ZNF787: variants seen among roughly 807,000 people sequenced by gnomAD.
The protein encoded by ZNF787 is TTF-I-interacting peptide 20.
ZNF787 carries 7 observed loss-of-function variants against 16.9 expected under a neutral mutation model. That is an observed-to-expected ratio of 0.42 (90% CI 0.24 to 0.78). The LOEUF is 0.78. Ranked by LOEUF, ZNF787 falls within the 30% of genes least tolerant of loss-of-function variation. ZNF787 has a pLI of 0.30. For synonymous variants in ZNF787, 345 were observed against 270.9 expected (o/e 1.27, Z -2.69); for missense variants, 551 against 589.3 (o/e 0.94, Z 0.67).
chr19:56,119,244 C>T (rs990863796), intron 1 of ZNF787, among the ~76,000 whole-genome samples: 5 of 152,220 alleles, frequency 3.3e-5, no homozygotes, highest in Non-Finnish European at 7.3e-5. Context: ...CATGTGTGAC[C>T]TCATGCCCAG....
intron 2 of ZNF787, among the ~76,000 whole-genome samples, chr19:56,100,820 C>A (rs1228526915): frequency 1.4e-5 from 2 of 146,540 alleles, no homozygotes; most frequent in East Asian, 2.0e-4. Flanking sequence ...CCAGGCCAAC[C>A]CCCGCCACTC....
At chr19:56,119,402 TGCCAAG>T (rs2030224602) in intron 1 of ZNF787, among the ~76,000 whole-genome samples, 1 of 152,202 alleles carries the variant, frequency 6.6e-6, no homozygotes, top group Non-Finnish European at 1.5e-5. Flanking sequence ...GAAGAGACAG[TGCCAAG>T]GCCAAGGCCC....
chr19:56,120,480 C>T (rs959829298), intron 1 of ZNF787, among the ~76,000 whole-genome samples: 1 of 152,322 alleles, frequency 6.6e-6, no homozygotes, highest in East Asian at 1.9e-4. Context: ...TCACTTCCCC[C>T]GCTGGGGACG....
chr19:56,115,026 G>C (rs1468265220), intron 1 of ZNF787, among the ~76,000 whole-genome samples: 2 of 152,164 alleles, frequency 1.3e-5, no homozygotes, highest in African/African-American at 4.8e-5. Context: ...TGGATCTGCA[G>C]GCTAGGTGGG....
chr19:56,099,759 A>C (rs140161937), intron 2 of ZNF787, among the ~76,000 whole-genome samples: 1 of 151,718 alleles, frequency 6.6e-6, no homozygotes, highest in African/African-American at 2.4e-5. Context: ...GAGTCACACA[A>C]CACCCTCTGG....
intron 2 of ZNF787, among the ~76,000 whole-genome samples, chr19:56,095,836 C>T (rs1006047807): frequency 6.6e-6 from 1 of 152,206 alleles, no homozygotes; most frequent in Non-Finnish European, 1.5e-5. Flanking sequence ...CTCCCCTGCC[C>T]AGCTTTGCAG....
At chr19:56,091,159 C>T (rs1238174869) in intron 2 of ZNF787, among the ~76,000 whole-genome samples, 1 of 152,152 alleles carries the variant, frequency 6.6e-6, no homozygotes, top group Non-Finnish European at 1.5e-5. Context: ...CTATTTGCCC[C>T]GGGGCAGTGT....
At chr19:56,098,074 G>A (rs537385681) in intron 2 of ZNF787, among the ~76,000 whole-genome samples, 89 of 152,172 alleles carry the variant, frequency 5.8e-4, no homozygotes, top group African/African-American at 2.0e-3. Context: ...AAAGCCATGG[G>A]CCTGGGTGAA....
chr19:56,113,602 A>G (rs908809998), intron 1 of ZNF787, among the ~76,000 whole-genome samples: 1 of 152,196 alleles, frequency 6.6e-6, no homozygotes, highest in Admixed American at 6.5e-5. Context: ...AGCCCGATGC[A>G]GAACAGCACG....
At chr19:56,104,567 C>T (rs1599951064) in intron 1 of ZNF787, among the ~76,000 whole-genome samples, 1 of 152,104 alleles carries the variant, frequency 6.6e-6, no homozygotes, top group East Asian at 1.9e-4. Context: ...TCTCTACGCA[C>T]ACCACCCACC....
chr19:56,120,924 C>G (rs1332679868), intron 1 of ZNF787, among the ~76,000 whole-genome samples: 3 of 140,366 alleles, frequency 2.1e-5, no homozygotes, highest in Non-Finnish European at 4.7e-5. Flanking sequence ...CCTCCAGCCC[C>G]GCTCGCCGCC....
Position 56,088,360 on chromosome 19 carries a change from G to T in ZNF787, c.812C>A (p.Ser271Ter). 2 of 1,136,570 alleles carry T rather than the reference G, an allele frequency of 1.8e-6. No individual in the cohort carries two copies. Among genetic ancestry groups the T allele is most frequent in the South Asian group, 7.6e-5 (2 of 26,280 alleles). 70.4% of individuals were successfully genotyped at this position (1,136,570 alleles called of 1,614,324 possible). A position where few individuals can be genotyped will look rare whatever the true frequency, so the allele number is the denominator to read the frequency against. Residue 271 changes from serine to a stop codon, truncating the protein, a stop_gained, in exon 3 of 3, where the codon TCG (serine) becomes TAG (stop). Transcript: ENST00000610935. LOFTEE classifies it high-confidence loss of function. The surrounding 1 kb of genome is among the most constrained non-coding windows in gnomAD (Gnocchi z 8.6). ...GAGAKAAGPRSRRAPAPKPYV... is the reference protein window; with the variant it reads ...GAGAKAAGPR ...CGGCTTGGGGGCCGGGGCGCGCCGC[G>T]ACCGGGGCCCCGCGGCCTTTGCCCC... is the stretch of plus-strand genomic sequence containing the variant.
rs192173330 is a variant in ZNF787 at position 56,089,566 on chromosome 19, C to A, written c.80-474G>T. ...CCTGAGCCAGGGAGTGGGTTTGGCA[C>A]CCTGAAGACGTGCCCGCCAGGGAGC... On this transcript the variant is annotated intron_variant, in intron 2 of 2. Transcript: ENST00000610935. Among the ~76,000 whole-genome samples the A allele has an allele frequency of 8.5e-5, 13 of 152,226 alleles. 1 individual carries two copies. The highest frequency in any genetic ancestry group is 3.1e-4 in the African/African-American group (13 of 41,532).
At chr19:56,112,878 T>TGCCCCCCC (rs2030021420) in intron 1 of ZNF787, among the ~76,000 whole-genome samples, 3 of 126,466 alleles carry the variant, frequency 2.4e-5, no homozygotes, top group African/African-American at 6.2e-5. Flanking sequence ...GACCAGCCGT[T>TGCCCCCCC]CCCCCCACCC....
chr19:56,093,046 G>A (rs1032291328), intron 2 of ZNF787, among the ~76,000 whole-genome samples: 2 of 151,374 alleles, frequency 1.3e-5, no homozygotes, highest in Admixed American at 6.6e-5. Flanking sequence ...GACACGGGAT[G>A]GTGGAAGTGG....
At position 56,088,516 on chromosome 19, in the gene ZNF787, C is replaced by A. The variant is rs2123385866; in HGVS notation, c.656G>T (p.Arg219Leu). 7.0e-7 allele frequency: 1 copy of A among 1,424,176 alleles called. No individual in the cohort carries two copies. The highest frequency in any genetic ancestry group is 9.1e-7 in the Non-Finnish European group (1 of 1,096,670). 88.2% of individuals were successfully genotyped at this position (1,424,176 alleles called of 1,614,324 possible). A position where few individuals can be genotyped will look rare whatever the true frequency, so the allele number is the denominator to read the frequency against. ...AAKVLAASVR[R>L]AKGPEEAVAA... Reference sequence around the variant, plus strand: ...CACCGCCTCTTCGGGCCCCTTGGCCCGCCGGACGCTAGCCGCCAGCACCTT... The same window carrying A: ...CACCGCCTCTTCGGGCCCCTTGGCCAGCCGGACGCTAGCCGCCAGCACCTT... Residue 219 changes from arginine to leucine, a missense_variant, in exon 3 of 3, where the codon CGG becomes CTG. Arg to Leu is a moderately radical substitution (Grantham distance 102, BLOSUM62 -2). Around this residue, in one of 4 missense-constraint regions of ZNF787, gnomAD observed 392 missense variants for 312.7 expected, o/e 1.25. Transcript: ENST00000610935. This position sits in a 1 kb window ranked among gnomAD's most constrained non-coding sequence, Gnocchi z 8.6.
At position 56,088,123 on chromosome 19, in the gene ZNF787, C is replaced by G; in HGVS notation, c.1049G>C (p.Cys350Ser). The change falls in exon 3 of 3, where the codon TGC (cysteine) becomes TCC (serine). Residue 350 changes from cysteine (C) to serine (S), a missense_variant. By Grantham distance (112) the Cys-to-Ser change is moderately radical. Transcript: ENST00000610935. This position sits in a 1 kb window ranked among gnomAD's most constrained non-coding sequence, Gnocchi z 8.6. ...AVGAPSVCSS[C>S]GQSYYRAGGE... ...GCCCGCGCGGTAGTAGCTCTGTCCG[C>G]AGCTGCTGCAGACCGAGGGCGCGCC... 1 of 1,549,554 alleles carries G rather than the reference C, an allele frequency of 6.5e-7. No homozygotes were observed. The highest frequency in any genetic ancestry group is 8.7e-7 in the Non-Finnish European group (1 of 1,153,904).
chr19:56,091,948 A>AAACCGAAACCGAAGCCGAAACCGAAACCG (rs1270933861), intron 2 of ZNF787, among the ~76,000 whole-genome samples: 8 of 25,400 alleles, frequency 3.1e-4, no homozygotes, highest in African/African-American at 4.3e-4. Flanking sequence ...AGCCAAAGCC[A>AAACCGAAACCGAAGCCGAAACCGAAACCG]AAGCCGAAAC....
chr19:56,088,120 C>G lies in ZNF787; in HGVS notation c.1052G>C (p.Gly351Ala), dbSNP rs766516226. ...VGAPSVCSSCGQSYYRAGGEE... is the reference protein window; with the variant it reads ...VGAPSVCSSCAQSYYRAGGEE... ...CCCGCCCGCGCGGTAGTAGCTCTGT[C>G]CGCAGCTGCTGCAGACCGAGGGCGC... The change falls in exon 3 of 3, where the codon GGA (glycine) becomes GCA (alanine). Residue 351 changes from glycine to alanine, a missense_variant. Gly to Ala is a moderately conservative substitution (Grantham distance 60). Around this residue, in one of 4 missense-constraint regions of ZNF787, gnomAD observed 392 missense variants for 312.7 expected, o/e 1.25. Coordinates refer to ENST00000610935, the MANE Select transcript of ZNF787 (RefSeq NM_001002836.4). This position sits in a 1 kb window ranked among gnomAD's most constrained non-coding sequence, Gnocchi z 8.6. 1.3e-6 allele frequency: 2 copies of G among 1,547,762 alleles called. No homozygotes were observed. Among genetic ancestry groups the G allele is most frequent in the Non-Finnish European group, 1.7e-6 (2 of 1,153,070 alleles).
Sources: allele counts gnomAD v4.1 joint callset (sites outside exome capture counted in the v4.1 genomes callset), GRCh38; gene constraint gnomAD v4.1.1; regional missense constraint gnomAD v4.1.1; non-coding constraint Gnocchi (gnomAD v3.1); transcripts MANE v1.5; gene names NCBI Gene and HGNC (gene_info 2026-07-23, HGNC 2026-07-21).